ROBO2: variants seen among roughly 807,000 people sequenced by gnomAD.
The protein encoded by ROBO2 is roundabout guidance receptor 2.
Under a neutral mutation model 160.8 loss-of-function variants are expected in ROBO2, and 53 were observed. The ratio of observed to expected loss-of-function variants is 0.33; its 90% CI spans 0.26 to 0.41. The LOEUF is 0.41. ROBO2 is among the 10% of genes least tolerant of loss of function. The pLI, the probability that ROBO2 is intolerant of heterozygous loss-of-function variation, is 1.00. For synonymous variants in ROBO2, 664 were observed against 611.7 expected, an observed-to-expected ratio of 1.09 and a Z score of -1.26; for missense variants, 1,577 against 1,722.4, an observed-to-expected ratio of 0.92 and a Z score of 1.49.
intron 2 of ROBO2, among the ~76,000 whole-genome samples, chr3:76,418,069 A>G (rs1406760155): frequency 6.6e-6 from 1 of 151,952 alleles, no homozygotes; most frequent in Non-Finnish European, 1.5e-5. Flanking sequence ...AATTGTAAAC[A>G]GGCAAAACTT....
At chr3:76,769,740 C>G (rs2061776629) in intron 2 of ROBO2, among the ~76,000 whole-genome samples, 2 of 151,284 alleles carry the variant, frequency 1.3e-5, no homozygotes, top group Non-Finnish European at 3.0e-5. Context: ...TAAAATTCAC[C>G]CCTGATGTTT....
chr3:76,098,865 C>A (rs943259039), intron 2 of ROBO2, among the ~76,000 whole-genome samples: 12 of 152,206 alleles, frequency 7.9e-5, no homozygotes, highest in Non-Finnish European at 1.8e-4. Flanking sequence ...ATTGCATATA[C>A]CTCTTTGTCT....
At chr3:77,117,016 T>C (rs915534062) in intron 2 of ROBO2, among the ~76,000 whole-genome samples, 3 of 152,166 alleles carry the variant, frequency 2.0e-5, no homozygotes, top group Non-Finnish European at 4.4e-5. Flanking sequence ...TTGTTCAGAT[T>C]TAATAAGACA....
At chr3:76,725,170 G>A (rs1209050000) in intron 2 of ROBO2, among the ~76,000 whole-genome samples, 5 of 151,956 alleles carry the variant, frequency 3.3e-5, no homozygotes, top group Non-Finnish European at 5.9e-5. Flanking sequence ...TAAGGTAATG[G>A]CCAAGAATTT....
intron 2 of ROBO2, among the ~76,000 whole-genome samples, chr3:76,329,632 A>C (rs1166836418): frequency 6.6e-6 from 1 of 152,252 alleles, no homozygotes; most frequent in Non-Finnish European, 1.5e-5. Context: ...GTGCAGTAAC[A>C]GTTCAGAGTC....
chr3:77,102,564 A>AT (rs530429886), intron 2 of ROBO2, among the ~76,000 whole-genome samples: 63 of 152,104 alleles, frequency 4.1e-4, no homozygotes, highest in African/African-American at 1.1e-3. Context: ...AAAATATGGA[A>AT]TTTTTTTTAC....
At chr3:76,580,356 T>TTG (rs2085619634) in intron 2 of ROBO2, among the ~76,000 whole-genome samples, 1 of 147,340 alleles carries the variant, frequency 6.8e-6, no homozygotes, top group African/African-American at 2.5e-5. Context: ...TTTTTTTTGT[T>TTG]TTTTTTTTTG....
chr3:76,271,534 A>T (rs1327393184), intron 2 of ROBO2, among the ~76,000 whole-genome samples: 1 of 150,272 alleles, frequency 6.7e-6, no homozygotes, highest in Admixed American at 6.7e-5. Context: ...TTAATAAATA[A>T]TACCTGTCAC....
At chr3:76,259,546 C>T (rs1240363755) in intron 2 of ROBO2, among the ~76,000 whole-genome samples, 4 of 152,088 alleles carry the variant, frequency 2.6e-5, no homozygotes, top group African/African-American at 9.7e-5. Context: ...TTGCTATAGA[C>T]TACATTTTTA....
chr3:77,374,284 T>C (rs888551856), intron 2 of ROBO2, among the ~76,000 whole-genome samples: 3 of 150,998 alleles, frequency 2.0e-5, no homozygotes, highest in Non-Finnish European at 4.4e-5. Flanking sequence ...TTTTGGTGTT[T>C]TCAACAAAAA....
chr3:77,334,071 T>C (rs1034504274), intron 2 of ROBO2, among the ~76,000 whole-genome samples: 2 of 152,228 alleles, frequency 1.3e-5, no homozygotes, highest in Non-Finnish European at 2.9e-5. Flanking sequence ...TTCTTAAAAC[T>C]AACAGGTACT....
chr3:76,378,050 A>C (rs563706070), intron 2 of ROBO2, among the ~76,000 whole-genome samples: 1 of 152,274 alleles, frequency 6.6e-6, no homozygotes, highest in East Asian at 1.9e-4. Flanking sequence ...GAGAAAAGTC[A>C]CACATTCTGG....
chr3:77,069,580 A>G (rs1457034822), intron 1 of ROBO2, among the ~76,000 whole-genome samples: 1 of 152,248 alleles, frequency 6.6e-6, no homozygotes, highest in African/African-American at 2.4e-5. Context: ...TCATTCATGC[A>G]TAGACTACTT....
intron 2 of ROBO2, among the ~76,000 whole-genome samples, chr3:76,057,649 C>G (rs1178066568): frequency 6.6e-6 from 1 of 152,086 alleles, no homozygotes; most frequent in East Asian, 1.9e-4. Context: ...ATTTATAGAG[C>G]TGGAACCGTA....
chr3:76,339,281 C>T lies in ROBO2; in HGVS notation c.109+401679C>T, dbSNP rs949843929. Among the ~76,000 whole-genome samples, 12 of 152,126 alleles carry T rather than the reference C, an allele frequency of 7.9e-5. No individual in the cohort carries two copies. In the South Asian group the frequency reaches 1.7e-3, roughly 21 times the overall value. On this transcript the variant is annotated intron_variant, in intron 2 of 26. Coordinates refer to the ROBO2 transcript ENST00000487694. ...GTACTTGTAAATACAGCTTCCTAGG[C>T]AATAGATTAGATTTAGATGTTGTGT...
rs532759706 is a variant in ROBO2 at position 77,330,289 on chromosome 3, A to G, written c.389-147125A>G. Among the ~76,000 whole-genome samples, 9 of 152,310 alleles carry G rather than the reference A, an allele frequency of 5.9e-5. No individual in the cohort carries two copies. The South Asian group carries it at 1.7e-3, about 28-fold the overall frequency. On this transcript the variant is annotated intron_variant, in intron 2 of 25. Transcript: ENST00000461745. ...TCCCAGCACTTTGGGAGGCTGAAGC[A>G]GGTGGATCACTTGAGGCCAGGAATT...
At chr3:76,569,143 T>A (rs1578215508) in intron 2 of ROBO2, among the ~76,000 whole-genome samples, 1 of 152,176 alleles carries the variant, frequency 6.6e-6, no homozygotes, top group Non-Finnish European at 1.5e-5. Context: ...CATCATAAGT[T>A]AAACATGATC....
chr3:77,416,010 G>A (rs1236768489), intron 2 of ROBO2, among the ~76,000 whole-genome samples: 2 of 152,148 alleles, frequency 1.3e-5, no homozygotes, highest in Non-Finnish European at 2.9e-5. Context: ...AGCTCTTTTT[G>A]TACCTACTGT....
chr3:76,414,557 A>G (rs1281506340), intron 2 of ROBO2, among the ~76,000 whole-genome samples: 4 of 139,544 alleles, frequency 2.9e-5, no homozygotes, highest in East Asian at 2.2e-4. Flanking sequence ...ATAGGTGGGA[A>G]TTGAACAATG....
Sources: gnomAD v4.1 joint callset for allele counts (sites outside exome capture counted in the v4.1 genomes callset) on GRCh38, gnomAD v4.1.1 for gene constraint, MANE v1.5 for transcripts, NCBI Gene and HGNC (gene_info 2026-07-23, HGNC 2026-07-21) for gene names.